The following ARMC9 variants were observed in gnomAD, a reference collection of about 807,000 sequenced individuals.
ARMC9 encodes lisH domain-containing protein ARMC9.
ARMC9 carries 94 observed loss-of-function variants against 107.0 expected under a neutral mutation model. The ratio of observed to expected loss-of-function variants is 0.88; its 90% confidence interval spans 0.74 to 1.04. The LOEUF is 1.04. Among genes scored for constraint, ARMC9 ranks in the 50% least tolerant of loss-of-function variants. The pLI is 0.00. For synonymous variants in ARMC9, 380 were observed against 396.9 expected, an observed-to-expected ratio of 0.96 and a Z score of 0.51; for missense variants, 942 against 1,030.1, an observed-to-expected ratio of 0.91 and a Z score of 1.17.
intron 10 of ARMC9, 103 bp downstream of exon 10, chr2:231,256,723 A>G: frequency 7.9e-6 from 10 of 1,263,276 alleles, no homozygotes; most frequent in Non-Finnish European, 1.0e-5. Flanking sequence ...GGTTAGAGGA[A>G]TGCCTTTGAG....
chr2:231,238,597 C>T (rs967079932), intron 8 of ARMC9, among the ~76,000 whole-genome samples: 2 of 152,230 alleles, frequency 1.3e-5, no homozygotes, highest in Non-Finnish European at 2.9e-5. Flanking sequence ...AAGTGATCCG[C>T]CTGCCTCAGT....
At chr2:231,316,614 G>A (rs1001846933) in intron 19 of ARMC9, among the ~76,000 whole-genome samples, 2 of 149,534 alleles carry the variant, frequency 1.3e-5, no homozygotes, top group African/African-American at 2.5e-5. Context: ...GCAATGAGCC[G>A]AGATCATACC....
At chr2:231,311,474 C>G (rs1352148978) in intron 19 of ARMC9, among the ~76,000 whole-genome samples, 2 of 152,138 alleles carry the variant, frequency 1.3e-5, no homozygotes, top group Non-Finnish European at 2.9e-5. Context: ...GTATAGAACA[C>G]TGTGCAGGGG....
Position 231,352,853 on chromosome 2 carries a change from C to T in ARMC9, c.1995-2945C>T, listed in dbSNP as rs530131149. On this transcript the variant is annotated intron_variant, in intron 21 of 24. Transcript: ENST00000611582. ...TTAGAAATTACATTCCCAGGCCGGG[C>T]GCGGGGGCTCACACCAGCCTGGGCC... 1.4e-3 allele frequency among the ~76,000 whole-genome samples: 176 copies of T among 128,400 alleles called. 1 individual carries two copies. The highest frequency in any genetic ancestry group is 6.7e-3 in the African/African-American group (144 of 21,382). The allele number at this position is 128,400 out of a possible 152,430, so 84.2% of individuals were successfully genotyped here.
intron 2 of ARMC9, among the ~76,000 whole-genome samples, chr2:231,206,713 C>T (rs888892541): frequency 1.2e-4 from 18 of 152,232 alleles, no homozygotes; most frequent in African/African-American, 4.1e-4. Flanking sequence ...CGGCCCTAGA[C>T]ATTTGAATGC....
chr2:231,340,508 T>G (rs1439915781), intron 20 of ARMC9, among the ~76,000 whole-genome samples: 1 of 152,064 alleles, frequency 6.6e-6, no homozygotes, highest in East Asian at 1.9e-4. Flanking sequence ...AGAGAATTAC[T>G]AGAGACCATT....
intron 8 of ARMC9, among the ~76,000 whole-genome samples, chr2:231,237,175 C>CCT (rs71296843): frequency 3.8e-4 from 56 of 148,804 alleles, no homozygotes; most frequent in African/African-American, 1.4e-3. Flanking sequence ...TCTGCGTATG[C>CCT]GTGTGTGTGT....
chr2:231,369,415 C>T (rs1427715769), intron 23 of ARMC9, among the ~76,000 whole-genome samples: 3 of 151,998 alleles, frequency 2.0e-5, no homozygotes, highest in African/African-American at 7.3e-5. Flanking sequence ...GTCTCAGCCT[C>T]CTGACTAGCT....
chr2:231,203,152 T>C (rs1419546823), intron 1 of ARMC9, among the ~76,000 whole-genome samples: 1 of 152,148 alleles, frequency 6.6e-6, no homozygotes, highest in African/African-American at 2.4e-5. Flanking sequence ...TCCTCTCTCC[T>C]CTTTCTTTGG....
Position 231,239,956 on chromosome 2 carries a change from A to G in ARMC9, c.794A>G (p.Tyr265Cys). The G allele has an allele frequency of 6.2e-7, 1 of 1,613,886 alleles. No individual in the cohort carries two copies. Among genetic ancestry groups the G allele is most frequent in the Admixed American group, 1.7e-5 (1 of 59,998 alleles). Residue 265 changes from tyrosine (Y) to cysteine (C), a missense_variant, in exon 9 of 25, where the codon TAC (tyrosine) becomes TGC (cysteine). Physicochemically the swap from Tyr to Cys is radical, Grantham distance 194. Transcript: ENST00000611582. Reference protein sequence around the residue: ...TVSGKMITPEYLQSVCVRLFS... With the variant: ...TVSGKMITPECLQSVCVRLFS... ...TCCTCCTTGCAGATCACCCCTGAGTACCTCCAGAGCGTCTGTGTCCGCCTG... is the reference window on the plus strand; with the variant it reads ...TCCTCCTTGCAGATCACCCCTGAGTGCCTCCAGAGCGTCTGTGTCCGCCTG...
At position 231,353,980 on chromosome 2, in the gene ARMC9, TACACACACACACAC is replaced by T. The variant is rs35433958; in HGVS notation, c.1995-1795_1995-1782del. Reference sequence around the variant, plus strand: ...TAACAATGCAGCATATATGTATATATACACACACACACACACACACACACACACACACACACCAT... The same window carrying T: ...TAACAATGCAGCATATATGTATATATACACACACACACACACACACACCAT... On this transcript the variant is annotated intron_variant, in intron 21 of 24. Transcript: ENST00000611582. Among the ~76,000 whole-genome samples, 660 of 135,376 alleles carry T rather than the reference TACACACACACACAC, an allele frequency of 4.9e-3. 3 individuals carry two copies. Among genetic ancestry groups the T allele is most frequent in the African/African-American group, 0.019 (595 of 32,054 alleles). 88.8% of individuals were successfully genotyped at this position (135,376 alleles called of 152,430 possible).
intron 14 of ARMC9, among the ~76,000 whole-genome samples, chr2:231,274,508 A>G (rs1405306393): frequency 2.0e-5 from 3 of 152,216 alleles, no homozygotes; most frequent in Non-Finnish European, 2.9e-5. Context: ...ATGCTTCAGC[A>G]CAAGTCTTCG....
chr2:231,280,452 T>C (rs1453784946), intron 16 of ARMC9, among the ~76,000 whole-genome samples: 1 of 152,008 alleles, frequency 6.6e-6, no homozygotes, highest in East Asian at 1.9e-4. Context: ...AGCGAGACTC[T>C]GTCTCAAAAA....
chr2:231,265,733 G>A (rs1030352718), intron 12 of ARMC9, among the ~76,000 whole-genome samples: 2 of 151,846 alleles, frequency 1.3e-5, no homozygotes, highest in Admixed American at 6.6e-5. Context: ...TAGGCCAGGT[G>A]TGGTGGTTCA....
chr2:231,291,307 C>T (rs754641958), intron 17 of ARMC9, 46 bp from the exon 18 acceptor site: 6 of 1,506,856 alleles, frequency 4.0e-6, no homozygotes, highest in African/African-American at 1.4e-5. Context: ...AGTAGTTTCC[C>T]TCCAGACACT....
intron 21 of ARMC9, among the ~76,000 whole-genome samples, chr2:231,345,966 G>A (rs888790570): frequency 2.6e-5 from 4 of 152,146 alleles, no homozygotes; most frequent in South Asian, 2.1e-4. Context: ...GTGCTGCCAC[G>A]GACACCAGGG....
intron 5 of ARMC9, among the ~76,000 whole-genome samples, chr2:231,219,340 C>T (rs907125399): frequency 2.0e-5 from 3 of 152,092 alleles, no homozygotes; most frequent in Non-Finnish European, 2.9e-5. Flanking sequence ...CTTTAAAACC[C>T]CCTTTCCTTG....
intron 7 of ARMC9, among the ~76,000 whole-genome samples, chr2:231,231,572 C>T (rs370974695): frequency 1.6e-3 from 244 of 151,788 alleles, no homozygotes; most frequent in Non-Finnish European, 2.4e-3. Flanking sequence ...TTAGTAGAGA[C>T]GGGATTTCAC....
intron 9 of ARMC9, among the ~76,000 whole-genome samples, chr2:231,251,683 CT>C (rs1469385182): frequency 6.6e-6 from 1 of 152,176 alleles, no homozygotes; most frequent in Non-Finnish European, 1.5e-5. Context: ...AGTAGGTATG[CT>C]TTGCTTGCCA....
Sources: gnomAD v4.1 joint callset for allele counts (sites outside exome capture counted in the v4.1 genomes callset) on GRCh38, gnomAD v4.1.1 for gene constraint, MANE v1.5 for transcripts, NCBI Gene and HGNC (gene_info 2026-07-23, HGNC 2026-07-21) for gene names.